IL1RAPL1: variants seen among roughly 807,000 people sequenced by gnomAD.
IL1RAPL1 encodes the protein interleukin 1 receptor accessory protein like 1, also known as interleukin-1 receptor accessory protein-like 1.
Under a neutral mutation model 48.4 loss-of-function variants are expected in IL1RAPL1, and 3 were observed. The ratio of observed to expected loss-of-function variants is 0.06; its 90% CI spans 0.03 to 0.16. IL1RAPL1 has a LOEUF of 0.16. IL1RAPL1 is among the 10% of genes least tolerant of loss of function. IL1RAPL1 has a pLI of 1.00. For synonymous variants in IL1RAPL1, 185 were observed against 187.7 expected (o/e 0.99, Z 0.12); for missense variants, 349 against 530.6 (o/e 0.66, Z 3.36).
At chrX:29,947,864 T>C (rs182161158) in intron 9 of IL1RAPL1, among the ~76,000 whole-genome samples, 92 of 108,286 alleles carry the variant, frequency 8.5e-4, no homozygotes, top group Middle Eastern at 4.8e-3. Context: ...GAAGGAGAGA[T>C]GTAGAGTTGT....
intron 2 of IL1RAPL1, among the ~76,000 whole-genome samples, chrX:29,194,807 G>A (rs1296512344): frequency 2.7e-5 from 3 of 110,908 alleles, no homozygotes; most frequent in Non-Finnish European, 3.8e-5. Context: ...TTTCTCACAT[G>A]CCCCACAGTT....
intron 6 of IL1RAPL1, among the ~76,000 whole-genome samples, chrX:29,688,611 A>G (rs977464052): frequency 4.5e-5 from 5 of 111,594 alleles, no homozygotes; most frequent in African/African-American, 1.6e-4. Flanking sequence ...TGAACCCACT[A>G]TAGTATCTGT....
At chrX:28,822,055 T>C (rs1170772452) in intron 2 of IL1RAPL1, among the ~76,000 whole-genome samples, 1 of 110,412 alleles carries the variant, frequency 9.1e-6, no homozygotes, top group Non-Finnish European at 1.9e-5. Flanking sequence ...TGGGGTGATA[T>C]ACGATTGACT....
intron 2 of IL1RAPL1, among the ~76,000 whole-genome samples, chrX:29,166,419 G>T (rs1054341122): frequency 1.8e-5 from 2 of 111,496 alleles, no homozygotes; most frequent in East Asian, 5.6e-4. Flanking sequence ...AATCTTCATG[G>T]CTTGAACAAT....
chrX:29,849,438 TAGAC>T (rs1371322384), intron 6 of IL1RAPL1, among the ~76,000 whole-genome samples: 1 of 111,638 alleles, frequency 9.0e-6, no homozygotes, highest in Non-Finnish European at 1.9e-5. Context: ...TTCTATGAAA[TAGAC>T]AGGCCCTATA....
intron 2 of IL1RAPL1, among the ~76,000 whole-genome samples, chrX:28,815,885 A>ATATATATATATATAT (rs1491568850): frequency 4.1e-4 from 21 of 51,720 alleles, no homozygotes; most frequent in Admixed American, 7.3e-4. Flanking sequence ...ATATATATAT[A>ATATATATATATATAT]ATTTTTTTCT....
chrX:28,986,436 A>G (rs1329402066), intron 2 of IL1RAPL1, among the ~76,000 whole-genome samples: 2 of 112,501 alleles, frequency 1.8e-5, no homozygotes. Context: ...AAGTAAATGG[A>G]GGAACATAAT....
chrX:29,779,799 G>A (rs1160771795), intron 6 of IL1RAPL1, among the ~76,000 whole-genome samples: 1 of 111,005 alleles, frequency 9.0e-6, no homozygotes, highest in African/African-American at 3.3e-5. Flanking sequence ...CTCATGAGTT[G>A]CATTTCTTGT....
intron 6 of IL1RAPL1, among the ~76,000 whole-genome samples, chrX:29,893,448 A>G (rs758088728): frequency 3.2e-4 from 36 of 111,161 alleles, no homozygotes; most frequent in Non-Finnish European, 5.8e-4. Flanking sequence ...ATGTTTTCAG[A>G]CAATCTGAAT....
chrX:29,230,965 G>T (rs1931192095), intron 2 of IL1RAPL1, among the ~76,000 whole-genome samples: 1 of 111,747 alleles, frequency 8.9e-6, no homozygotes, highest in African/African-American at 3.3e-5. Flanking sequence ...GAGAGCTGTT[G>T]TAAGTAATCC....
At chrX:29,830,536 G>A (rs1211775499) in intron 6 of IL1RAPL1, among the ~76,000 whole-genome samples, 10 of 105,705 alleles carry the variant, frequency 9.5e-5, no homozygotes, top group African/African-American at 2.1e-4. Context: ...TGCAACCTCC[G>A]CCTCCTGGGT....
chrX:29,897,597 G>A (rs1052742212), intron 6 of IL1RAPL1, among the ~76,000 whole-genome samples: 1 of 112,215 alleles, frequency 8.9e-6, no homozygotes, highest in Non-Finnish European at 1.9e-5. Context: ...AATGGAAATA[G>A]TGGAGCTAGT....
At position 29,377,291 on chromosome X, in the gene IL1RAPL1, T is replaced by A. The variant is rs1021675156; in HGVS notation, c.363-18967T>A. 1.8e-4 allele frequency among the ~76,000 whole-genome samples: 20 copies of A among 112,192 alleles called. No homozygotes were observed. In the East Asian group the frequency reaches 3.1e-3, roughly 17 times the overall value. The stretch of plus-strand genomic sequence containing the variant: ...GGGTCTCTTAAAAACAGAAGATGAT[T>A]GAGTCTTTTATTTGTATCCAGCTTG... On this transcript the variant is annotated intron_variant, in intron 3 of 10. Transcript: ENST00000378993.
rs1933859244 is a variant in IL1RAPL1 at position 28,587,769 on chromosome X, T to C, written c.-303T>C. 1 of 110,366 alleles carries C rather than the reference T, an allele frequency of 9.1e-6. No individual in the cohort carries two copies. The highest frequency in any genetic ancestry group is 3.3e-5 in the African/African-American group (1 of 30,314). The allele number at this position is 110,366 out of a possible 1,213,427, so 9.1% of individuals were successfully genotyped here. On this transcript the variant is annotated 5_prime_UTR_variant, in exon 1 of 11. Coordinates refer to ENST00000378993, the MANE Select transcript of IL1RAPL1 (RefSeq NM_014271.4). ...TTTTTCTCCTAGTCTGTTTTTTTTT[T>C]TCCTGCTCTGCACCTGGATTGTATC...
chrX:29,912,059 ATTTTTG>A (rs1932760883), intron 6 of IL1RAPL1, among the ~76,000 whole-genome samples: 1 of 112,264 alleles, frequency 8.9e-6, no homozygotes, highest in Non-Finnish European at 1.9e-5. Context: ...AGTATCTATT[ATTTTTG>A]TTTTTAATTT....
intron 6 of IL1RAPL1, among the ~76,000 whole-genome samples, chrX:29,895,407 C>T (rs1476758693): frequency 6.3e-5 from 7 of 110,794 alleles, no homozygotes; most frequent in Middle Eastern, 4.7e-3. Context: ...AAAAATTAGC[C>T]GGGGTGTGGT....
At chrX:28,663,378 G>A (rs1450867781) in intron 1 of IL1RAPL1, among the ~76,000 whole-genome samples, 1 of 111,986 alleles carries the variant, frequency 8.9e-6, no homozygotes, top group Admixed American at 9.5e-5. Flanking sequence ...CATTCTTTCC[G>A]GTCTGTGGAG....
intron 3 of IL1RAPL1, among the ~76,000 whole-genome samples, chrX:29,390,315 G>T (rs1302948626): frequency 9.0e-6 from 1 of 111,146 alleles, no homozygotes; most frequent in African/African-American, 3.3e-5. Context: ...AGTGCCAAAG[G>T]CTTATGACAC....
intron 6 of IL1RAPL1, among the ~76,000 whole-genome samples, chrX:29,905,232 A>G (rs1932584485): frequency 9.2e-6 from 1 of 109,166 alleles, no homozygotes; most frequent in Non-Finnish European, 1.9e-5. Context: ...TTTTTCTTGT[A>G]AATTTGTTTA....
Sources: gnomAD v4.1 joint callset for allele counts (sites outside exome capture counted in the v4.1 genomes callset) on GRCh38, gnomAD v4.1.1 for gene constraint, MANE v1.5 for transcripts, NCBI Gene and HGNC (gene_info 2026-07-23, HGNC 2026-07-21) for gene names.